The following ABCA13 variants were observed in gnomAD, a reference collection of about 807,000 sequenced individuals.
ABCA13 encodes ATP-binding cassette sub-family A member 13.
ABCA13 carries 476 observed loss-of-function variants against 478.7 expected under a neutral mutation model. That is an observed-to-expected ratio of 0.99 (90% CI 0.92 to 1.07). ABCA13 has a LOEUF of 1.07. Ranked by LOEUF, ABCA13 falls within the 50% of genes least tolerant of loss-of-function variation. The pLI, the probability that ABCA13 is intolerant of heterozygous loss-of-function variation, is 0.00. For synonymous variants in ABCA13, 2,252 were observed against 2,158.9 expected, an observed-to-expected ratio of 1.04 and a Z score of -1.20; for missense variants, 6,060 against 5,910.6, an observed-to-expected ratio of 1.03 and a Z score of -0.83.
chr7:48,236,486 A>C (rs934772715), intron 8 of ABCA13, among the ~76,000 whole-genome samples: 2 of 152,158 alleles, frequency 1.3e-5, no homozygotes, highest in African/African-American at 2.4e-5. Flanking sequence ...AAAGAAACAT[A>C]CTTTGGGGTG....
At chr7:48,424,388 A>G (rs564071422) in intron 41 of ABCA13, among the ~76,000 whole-genome samples, 2 of 152,260 alleles carry the variant, frequency 1.3e-5, no homozygotes, top group Non-Finnish European at 2.9e-5. Flanking sequence ...TATGTATCAG[A>G]TAAGAAGGAA....
intron 27 of ABCA13, among the ~76,000 whole-genome samples, chr7:48,324,413 G>A (rs185881669): frequency 6.6e-6 from 1 of 152,178 alleles, no homozygotes; most frequent in East Asian, 1.9e-4. Flanking sequence ...TCCAAACAAG[G>A]CCACATTCTG....
chr7:48,404,003 A>G (rs1323409863), intron 39 of ABCA13, 124 bp downstream of exon 39: 2 of 1,216,526 alleles, frequency 1.6e-6, no homozygotes, highest in Non-Finnish European at 2.3e-6. Context: ...TCAGAAAAAT[A>G]TAAATTTTTA....
At chr7:48,507,146 G>C (rs1239059710) in intron 49 of ABCA13, among the ~76,000 whole-genome samples, 1 of 152,112 alleles carries the variant, frequency 6.6e-6, no homozygotes, top group East Asian at 1.9e-4. Flanking sequence ...AACAGTGTCT[G>C]ACACCTGCCA....
chr7:48,446,211 A>C (rs1824277580), intron 42 of ABCA13, among the ~76,000 whole-genome samples: 1 of 152,148 alleles, frequency 6.6e-6, no homozygotes, highest in Non-Finnish European at 1.5e-5. Flanking sequence ...AGACATTTAC[A>C]TTAAGGAGCA....
intron 55 of ABCA13, among the ~76,000 whole-genome samples, chr7:48,557,482 TAA>T (rs913672591): frequency 6.6e-6 from 1 of 152,118 alleles, no homozygotes; most frequent in African/African-American, 2.4e-5. Context: ...TCTTGTAGGA[TAA>T]AAGTTTTTTC....
At position 48,271,744 on chromosome 7, in the gene ABCA13, TA is replaced by T. The variant is rs566047781; in HGVS notation, c.2121-42del. On this transcript the variant is annotated intron_variant, in intron 16 of 61. Coordinates refer to ENST00000435803, the MANE Select transcript of ABCA13 (RefSeq NM_152701.5). ...ACTTGGAAATTTGATAAATCAAATT[TA>T]TTTTTTTATTTTATACTAAAATAAT... 1.9e-4 allele frequency: 215 copies of T among 1,158,696 alleles called. 4 individuals are homozygous for T. In the South Asian group the frequency reaches 5.8e-3, roughly 31 times the overall value. The allele number at this position is 1,158,696 out of a possible 1,614,324, so 71.8% of individuals were successfully genotyped here.
chr7:48,188,555 CT>C (rs1200026038), intron 1 of ABCA13, among the ~76,000 whole-genome samples: 1 of 151,808 alleles, frequency 6.6e-6, no homozygotes, highest in Non-Finnish European at 1.5e-5. Context: ...GCTCTAGAAA[CT>C]TTTTTTTCTT....
At chr7:48,384,891 T>C (rs2129048159) in intron 35 of ABCA13, among the ~76,000 whole-genome samples, 1 of 152,302 alleles carries the variant, frequency 6.6e-6, no homozygotes, top group African/African-American at 2.4e-5. Context: ...CTTGTGTCAT[T>C]CCTGTGTATC....
chr7:48,644,222 G>T (rs1036382664), intron 60 of ABCA13, among the ~76,000 whole-genome samples: 2 of 152,148 alleles, frequency 1.3e-5, no homozygotes, highest in Non-Finnish European at 2.9e-5. Flanking sequence ...ATCTTCCCAA[G>T]TGTTGCTCAG....
intron 59 of ABCA13, among the ~76,000 whole-genome samples, chr7:48,636,133 C>T (rs1305823268): frequency 6.6e-6 from 1 of 152,072 alleles, no homozygotes; most frequent in Non-Finnish European, 1.5e-5. Context: ...CCCCTGCTTT[C>T]TTCTCATTAT....
chr7:48,372,338 G>T lies in ABCA13; in HGVS notation c.10974G>T (p.Gly3658=), dbSNP rs764847241. The change falls in exon 33 of 62, where the codon GGG becomes GGT. Residue 3658 remains glycine (G), a synonymous_variant. Transcript: ENST00000435803. ...FIVFLFLLDF[G]MSVVMLSYLL... ...TTTTCCTCTTTCTCTTGGATTTTGG[G>T]ATGTCAGTCGTCATGCTGAGCTACC... 5 of 1,613,840 alleles carry T rather than the reference G, an allele frequency of 3.1e-6. No individual in the cohort carries two copies. Among genetic ancestry groups the T allele is most frequent in the Admixed American group, 3.3e-5 (2 of 60,010 alleles).
At chr7:48,183,943 A>G (rs539252762) in intron 1 of ABCA13, among the ~76,000 whole-genome samples, 8 of 152,334 alleles carry the variant, frequency 5.3e-5, no homozygotes, top group African/African-American at 1.9e-4. Flanking sequence ...TAAATTATAT[A>G]GTATTCTTAA....
At chr7:48,345,882 A>G (rs1808001913) in intron 29 of ABCA13, among the ~76,000 whole-genome samples, 1 of 152,214 alleles carries the variant, frequency 6.6e-6, no homozygotes, top group South Asian at 2.1e-4. Context: ...ATTGGTGAGT[A>G]CTCAATCTAA....
chr7:48,405,829 A>G (rs150947050), intron 39 of ABCA13, among the ~76,000 whole-genome samples: 1 of 150,314 alleles, frequency 6.7e-6, no homozygotes. Context: ...ATATTTTCTC[A>G]CTGTCCTTCG....
intron 19 of ABCA13, among the ~76,000 whole-genome samples, chr7:48,287,006 C>T (rs1471727147): frequency 2.0e-5 from 3 of 152,088 alleles, no homozygotes; most frequent in African/African-American, 7.2e-5. Context: ...GAAAATTTGC[C>T]CGTGGCAGGT....
chr7:48,541,300 A>G (rs1277984379), intron 55 of ABCA13, among the ~76,000 whole-genome samples: 1 of 152,116 alleles, frequency 6.6e-6, no homozygotes, highest in Non-Finnish European at 1.5e-5. Flanking sequence ...AGTTGCCACC[A>G]TTGCTTGTTG....
At position 48,476,187 on chromosome 7, in the gene ABCA13, T is replaced by G. The variant is rs568815597; in HGVS notation, c.12975+4588T>G. 8.5e-5 allele frequency among the ~76,000 whole-genome samples: 13 copies of G among 152,274 alleles called. 1 individual carries two copies. The South Asian group carries it at 2.7e-3, about 32-fold the overall frequency. On this transcript the variant is annotated intron_variant, in intron 45 of 61. Transcript: ENST00000435803. ...TGAGGACAATCTGTCCTTTTCCTCC[T>G]CCAGCTTCTCTTGTTTCTGGCCTTC...
At chr7:48,491,131 A>AG (rs1160119309) in intron 48 of ABCA13, among the ~76,000 whole-genome samples, 12 of 152,340 alleles carry the variant, frequency 7.9e-5, no homozygotes, top group Admixed American at 6.5e-4. Flanking sequence ...TTTTCAAGGA[A>AG]GGGGCGAGGT....
Sources: gnomAD v4.1 joint callset for allele counts (sites outside exome capture counted in the v4.1 genomes callset) on GRCh38, gnomAD v4.1.1 for gene constraint, MANE v1.5 for transcripts, NCBI Gene and HGNC (gene_info 2026-07-23, HGNC 2026-07-21) for gene names.